Variants in DPP10 observed in about 807,000 individuals in gnomAD.
DPP10 encodes the protein dipeptidyl peptidase like 10.
A neutral mutation model predicts 120.9 loss-of-function variants in DPP10; 33 were observed. That is an observed-to-expected ratio of 0.27 (90% confidence interval 0.21 to 0.37). The LOEUF (loss-of-function observed/expected upper bound fraction) is 0.37, where lower values mean the gene tolerates loss of function less well. Ranked by LOEUF, DPP10 falls within the 10% of genes least tolerant of loss-of-function variation. The pLI is 1.00. For missense variants in DPP10, 816 were observed against 942.8 expected (o/e 0.87, Z 1.76); for synonymous variants, 337 against 326.1 (o/e 1.03, Z -0.36).
At chr2:114,767,940 A>T (rs968640803) in intron 1 of DPP10, among the ~76,000 whole-genome samples, 1 of 151,930 alleles carries the variant, frequency 6.6e-6, no homozygotes, top group Non-Finnish European at 1.5e-5. Flanking sequence ...GGCCAACATG[A>T]TGAAACCTGA....
At chr2:115,362,669 A>G (rs1271006592) in intron 3 of DPP10, among the ~76,000 whole-genome samples, 2 of 152,156 alleles carry the variant, frequency 1.3e-5, no homozygotes, top group Non-Finnish European at 1.5e-5. Flanking sequence ...TCTAAGTTCA[A>G]CTTCAATTCT....
chr2:114,831,504 A>C (rs1304864408), intron 1 of DPP10, among the ~76,000 whole-genome samples: 1 of 152,220 alleles, frequency 6.6e-6, no homozygotes, highest in Non-Finnish European at 1.5e-5. Context: ...ATGGCAAAGA[A>C]GAGTGATCCC....
At chr2:115,591,867 T>G (rs531170195) in intron 5 of DPP10, among the ~76,000 whole-genome samples, 8 of 152,354 alleles carry the variant, frequency 5.3e-5, no homozygotes, top group African/African-American at 1.9e-4. Context: ...AAGAGGTCCT[T>G]CACATCCCTT....
In DPP10 at chr2:115,660,655, C is replaced by CTTTTTTTTTTTTTTTTTTTTTTTTTT; in HGVS notation, c.442-29008_442-29007insTTTTTTTTTTTTTTTTTTTTTTTTTT. 1.1e-3 allele frequency among the ~76,000 whole-genome samples: 29 copies of CTTTTTTTTTTTTTTTTTTTTTTTTTT among 25,324 alleles called. 3 individuals carry two copies. The highest frequency in any genetic ancestry group is 4.8e-3 in the East Asian group (2 of 414). The allele number at this position is 25,324 out of a possible 152,430, so 16.6% of individuals were successfully genotyped here. A position where few individuals can be genotyped will look rare whatever the true frequency, so the allele number is the denominator to read the frequency against. On this transcript the variant is annotated intron_variant, in intron 5 of 25. Transcript: ENST00000410059. ...CCTTCCTTTCATTCTCTCTGTCTGG[C>CTTTTTTTTTTTTTTTTTTTTTTTTTT]TTTTTTTTTTTTTTTTTTTTTTTTG...
chr2:114,553,450 G>C (rs1348821326), intron 1 of DPP10, among the ~76,000 whole-genome samples: 2 of 152,220 alleles, frequency 1.3e-5, no homozygotes, highest in African/African-American at 2.4e-5. Context: ...GAATAACAAT[G>C]CTGTCCCTCT....
chr2:115,314,354 A>T (rs2061699560), intron 2 of DPP10, among the ~76,000 whole-genome samples: 1 of 152,306 alleles, frequency 6.6e-6, no homozygotes, highest in South Asian at 2.1e-4. Context: ...CATGCTGACT[A>T]AGGGTAAAAC....
At chr2:115,697,172 C>A (rs977354137) in intron 7 of DPP10, among the ~76,000 whole-genome samples, 8 of 151,586 alleles carry the variant, frequency 5.3e-5, no homozygotes, top group Non-Finnish European at 1.0e-4. Flanking sequence ...ATGAGGGTAA[C>A]AAAAGATAAG....
intron 5 of DPP10, among the ~76,000 whole-genome samples, chr2:115,550,626 A>G (rs1038199034): frequency 1.3e-5 from 2 of 152,100 alleles, no homozygotes; most frequent in African/African-American, 4.8e-5. Context: ...GCTGTGACCT[A>G]TTTTCTTTCT....
intron 5 of DPP10, among the ~76,000 whole-genome samples, chr2:115,571,417 T>C (rs1434559337): frequency 6.6e-6 from 1 of 152,172 alleles, no homozygotes; most frequent in Non-Finnish European, 1.5e-5. Flanking sequence ...GTTTCTATTG[T>C]TGCCATTTTT....
intron 1 of DPP10, among the ~76,000 whole-genome samples, chr2:114,814,018 T>G (rs553045232): frequency 6.6e-6 from 1 of 151,676 alleles, no homozygotes; most frequent in African/African-American, 2.4e-5. Flanking sequence ...AATAACTGTT[T>G]TAAAACTCTA....
At chr2:114,502,575 T>C (rs1338147245) in intron 1 of DPP10, among the ~76,000 whole-genome samples, 2 of 152,246 alleles carry the variant, frequency 1.3e-5, no homozygotes, top group East Asian at 1.9e-4. Context: ...AATTAATGAA[T>C]GAGTTAAGTA....
At chr2:115,169,889 A>C (rs1179142397) in intron 1 of DPP10, among the ~76,000 whole-genome samples, 1 of 152,198 alleles carries the variant, frequency 6.6e-6, no homozygotes, top group East Asian at 1.9e-4. Context: ...AAGGGAGGAT[A>C]AAAGCTATTT....
chr2:114,943,913 C>T (rs1310565441), intron 1 of DPP10, among the ~76,000 whole-genome samples: 1 of 151,972 alleles, frequency 6.6e-6, no homozygotes, highest in Non-Finnish European at 1.5e-5. Context: ...TTTATAGCAC[C>T]GTGTTTTCTT....
intron 3 of DPP10, among the ~76,000 whole-genome samples, chr2:115,419,400 T>A (rs1338824760): frequency 6.6e-6 from 1 of 152,066 alleles, no homozygotes; most frequent in Non-Finnish European, 1.5e-5. Flanking sequence ...GGAGCAGGCA[T>A]GTCATACAGC....
chr2:115,662,982 T>G (rs1190557414), intron 5 of DPP10, among the ~76,000 whole-genome samples: 2 of 73,658 alleles, frequency 2.7e-5, no homozygotes, highest in Non-Finnish European at 3.9e-5. Flanking sequence ...AGAAGAGAAA[T>G]TTTTATTTTT....
At chr2:114,672,717 G>A (rs1001577045) in intron 1 of DPP10, among the ~76,000 whole-genome samples, 44 of 152,260 alleles carry the variant, frequency 2.9e-4, no homozygotes, top group African/African-American at 9.6e-4. Flanking sequence ...GGGATTCGTA[G>A]GAGATTGTCT....
intron 5 of DPP10, among the ~76,000 whole-genome samples, chr2:115,588,803 G>C (rs552220794): frequency 8.0e-4 from 122 of 152,238 alleles, no homozygotes; most frequent in African/African-American, 2.9e-3. Flanking sequence ...TGAACTCCAT[G>C]AACTAAAGGC....
At chr2:114,604,255 T>C (rs551819558) in intron 1 of DPP10, among the ~76,000 whole-genome samples, 4 of 152,118 alleles carry the variant, frequency 2.6e-5, no homozygotes, top group Admixed American at 6.6e-5. Context: ...CAGGGAATGG[T>C]GGGAACTCTC....
At chr2:115,013,034 C>T (rs988000171) in intron 1 of DPP10, among the ~76,000 whole-genome samples, 1 of 152,088 alleles carries the variant, frequency 6.6e-6, no homozygotes, top group South Asian at 2.1e-4. Context: ...TTGATCCTGT[C>T]GTTATGATGC....
Sources: allele counts gnomAD v4.1 joint callset (sites outside exome capture counted in the v4.1 genomes callset), GRCh38; gene constraint gnomAD v4.1.1; transcripts MANE v1.5; gene names NCBI Gene and HGNC (gene_info 2026-07-23, HGNC 2026-07-21).